The following CDKAL1 variants were observed in gnomAD, a reference collection of about 807,000 sequenced individuals.
The protein encoded by CDKAL1 is CDKAL1 threonylcarbamoyladenosine tRNA methylthiotransferase, also known as threonylcarbamoyladenosine tRNA methylthiotransferase.
In CDKAL1, 32 loss-of-function variants were observed where a neutral mutation model predicts 68.2. The observed-to-expected ratio is 0.47, with a 90% CI of 0.35 to 0.63. The LOEUF (loss-of-function observed/expected upper bound fraction) is 0.63. CDKAL1 is among the 30% of genes least tolerant of loss of function. The pLI, the probability that CDKAL1 is intolerant of heterozygous loss-of-function variation, is 0.00. For missense variants in CDKAL1, 606 were observed against 696.7 expected, an observed-to-expected ratio of 0.87 and a Z score of 1.47; for synonymous variants, 234 against 244.3, an observed-to-expected ratio of 0.96 and a Z score of 0.39.
In CDKAL1 at chr6:20,687,890, T is replaced by TA. The variant is rs1415753091; in HGVS notation, c.371+38515dup. Among the ~76,000 whole-genome samples, 436 of 152,016 alleles carry TA rather than the reference T, an allele frequency of 2.9e-3. 2 individuals are homozygous for TA. The highest frequency in any genetic ancestry group is 9.2e-3 in the African/African-American group (382 of 41,454). ...ATCCTATGTAAAGGATTTTTTTTTT[T>TA]AATTTCTTGCAAGGTAGATCTACTG... On this transcript the variant is annotated intron_variant, in intron 5 of 15. Transcript: ENST00000274695.
intron 12 of CDKAL1, among the ~76,000 whole-genome samples, chr6:21,083,180 T>C (rs769522053): frequency 7.2e-5 from 11 of 152,170 alleles, no homozygotes; most frequent in Non-Finnish European, 1.2e-4. Flanking sequence ...TTATGTTTCA[T>C]ATATACCTTA....
chr6:20,601,631 G>A (rs1054588165), intron 4 of CDKAL1, among the ~76,000 whole-genome samples: 6 of 152,118 alleles, frequency 3.9e-5, no homozygotes, highest in African/African-American at 1.4e-4. Flanking sequence ...AATCTGGAAG[G>A]ACCAAGCATA....
At chr6:20,867,241 G>C (rs937567605) in intron 9 of CDKAL1, among the ~76,000 whole-genome samples, 2 of 152,122 alleles carry the variant, frequency 1.3e-5, no homozygotes, top group South Asian at 4.1e-4. Flanking sequence ...TAAATTACCA[G>C]ATCTTTGTTT....
At chr6:20,605,224 G>A (rs1172921851) in intron 4 of CDKAL1, among the ~76,000 whole-genome samples, 1 of 152,038 alleles carries the variant, frequency 6.6e-6, no homozygotes, top group Non-Finnish European at 1.5e-5. Context: ...AATAATACCA[G>A]CCAAAAAAGG....
chr6:20,738,743 C>T (rs1773311563), intron 5 of CDKAL1, among the ~76,000 whole-genome samples: 1 of 152,162 alleles, frequency 6.6e-6, no homozygotes, highest in African/African-American at 2.4e-5. Flanking sequence ...AAGTGATCCT[C>T]CCGCCTTGGC....
At chr6:20,926,599 A>G (rs1763199764) in intron 9 of CDKAL1, among the ~76,000 whole-genome samples, 1 of 152,078 alleles carries the variant, frequency 6.6e-6, no homozygotes. Flanking sequence ...CAGAAAGAAG[A>G]AGGGGCATCT....
At chr6:20,773,643 G>A (rs890611328) in intron 7 of CDKAL1, among the ~76,000 whole-genome samples, 4 of 151,988 alleles carry the variant, frequency 2.6e-5, no homozygotes, top group Admixed American at 6.6e-5. Context: ...CACCTTCTGG[G>A]TTCACGCCAT....
At chr6:20,586,978 G>GTT (rs750210435) in intron 4 of CDKAL1, among the ~76,000 whole-genome samples, 7,828 of 44,106 alleles carry the variant, frequency 0.18, 925 homozygotes, top group Non-Finnish European at 0.2. Context: ...TCCTCCAGGT[G>GTT]TTTTTTTTTT....
intron 8 of CDKAL1, among the ~76,000 whole-genome samples, chr6:20,807,525 AT>A (rs1379399117): frequency 6.6e-6 from 1 of 152,094 alleles, no homozygotes; most frequent in Non-Finnish European, 1.5e-5. Context: ...CCGGCCTGAA[AT>A]TTTTCTGAAT....
intron 5 of CDKAL1, among the ~76,000 whole-genome samples, chr6:20,728,401 T>C (rs1027628260): frequency 2.0e-5 from 3 of 152,182 alleles, no homozygotes; most frequent in African/African-American, 7.2e-5. Flanking sequence ...CAGTTAGAAA[T>C]GGTGATGGTA....
chr6:20,648,716 A>C (rs904174512), intron 4 of CDKAL1, among the ~76,000 whole-genome samples: 1 of 152,252 alleles, frequency 6.6e-6, no homozygotes, highest in African/African-American at 2.4e-5. Flanking sequence ...GAATAGTAGC[A>C]ACTTTAGGTA....
intron 15 of CDKAL1, among the ~76,000 whole-genome samples, chr6:21,208,263 G>A (rs939959464): frequency 9.9e-5 from 15 of 152,084 alleles, no homozygotes; most frequent in African/African-American, 3.4e-4. Context: ...ACCAGACAAA[G>A]GCCAGCAGGA....
chr6:21,171,762 G>T (rs1777398654), intron 13 of CDKAL1, among the ~76,000 whole-genome samples: 2 of 152,258 alleles, frequency 1.3e-5, no homozygotes, highest in Middle Eastern at 3.4e-3. Context: ...GTACTATTAG[G>T]TTAAAGGGGT....
At chr6:21,152,769 T>TAAA (rs1776471609) in intron 13 of CDKAL1, among the ~76,000 whole-genome samples, 1 of 152,262 alleles carries the variant, frequency 6.6e-6, no homozygotes, top group Non-Finnish European at 1.5e-5. Flanking sequence ...AATTACTTTT[T>TAAA]GTCTTTTGTG....
intron 11 of CDKAL1, among the ~76,000 whole-genome samples, chr6:21,034,518 A>G (rs1769470225): frequency 6.6e-6 from 1 of 152,228 alleles, no homozygotes; most frequent in Non-Finnish European, 1.5e-5. Flanking sequence ...CAGCTCATAG[A>G]TCAGCTGGAC....
intron 9 of CDKAL1, among the ~76,000 whole-genome samples, chr6:20,872,501 A>G (rs189868247): frequency 5.3e-5 from 8 of 152,330 alleles, no homozygotes; most frequent in African/African-American, 1.9e-4. Flanking sequence ...ATAGAGTTAT[A>G]TGGAAAAAGA....
chr6:20,927,434 G>C, intron 9 of CDKAL1, among the ~76,000 whole-genome samples: 1 of 152,232 alleles, frequency 6.6e-6, no homozygotes, highest in East Asian at 1.9e-4. Context: ...CTGTTAGCAA[G>C]AGCAGTGAAG....
intron 11 of CDKAL1, among the ~76,000 whole-genome samples, chr6:21,013,345 G>A (rs1490833150): frequency 6.6e-6 from 1 of 150,964 alleles, no homozygotes; most frequent in Non-Finnish European, 1.5e-5. Flanking sequence ...TCAAGTATAA[G>A]TCCATCTTAT....
chr6:20,734,186 G>A (rs1182332042), intron 5 of CDKAL1, among the ~76,000 whole-genome samples: 3 of 148,998 alleles, frequency 2.0e-5, no homozygotes, highest in Non-Finnish European at 4.5e-5. Flanking sequence ...AAAAGATTTT[G>A]TACAAATTGT....
Sources: gnomAD v4.1 joint callset for allele counts (sites outside exome capture counted in the v4.1 genomes callset) on GRCh38, gnomAD v4.1.1 for gene constraint, MANE v1.5 for transcripts, NCBI Gene and HGNC (gene_info 2026-07-23, HGNC 2026-07-21) for gene names.